The following CACNB4 variants were observed in gnomAD, a reference collection of about 807,000 sequenced individuals.
CACNB4 encodes the protein calcium voltage-gated channel auxiliary subunit beta 4, also known as voltage-dependent L-type calcium channel subunit beta-4.
A neutral mutation model predicts 71.2 loss-of-function variants in CACNB4; 32 were observed. That is an observed-to-expected ratio of 0.45 (90% CI 0.34 to 0.60). The LOEUF (loss-of-function observed/expected upper bound fraction) is 0.60, where lower values mean the gene tolerates loss of function less well. Ranked by LOEUF, CACNB4 falls within the 20% of genes least tolerant of loss-of-function variation. CACNB4 has a pLI of 0.01. For missense variants in CACNB4, 464 were observed against 647.9 expected (o/e 0.72, Z 3.08); for synonymous variants, 231 against 236.9 (o/e 0.97, Z 0.23).
Position 151,988,604 on chromosome 2 carries a change from G to GAAGT in CACNB4, c.148-105238_148-105235dup, listed in dbSNP as rs1681508616. 3.3e-5 allele frequency among the ~76,000 whole-genome samples: 5 copies of GAAGT among 152,210 alleles called. No individual in the cohort carries two copies. The South Asian group carries it at 8.3e-4, about 25-fold the overall frequency. ...TATTTCTCTGAATTTTGGAGGCTGA[G>GAAGT]AAGTCCAAGACCAAGGTAGTAGAGT... On this transcript the variant is annotated intron_variant, in intron 2 of 13. Transcript: ENST00000539935.
intron 2 of CACNB4, among the ~76,000 whole-genome samples, chr2:152,074,432 C>T (rs1165231584): frequency 1.3e-5 from 2 of 151,622 alleles, no homozygotes. Flanking sequence ...ACCACCATAA[C>T]CATCACCAAG....
At chr2:151,906,098 T>C (rs532818254) in intron 2 of CACNB4, among the ~76,000 whole-genome samples, 188 of 152,304 alleles carry the variant, frequency 1.2e-3, no homozygotes, top group African/African-American at 4.4e-3. Flanking sequence ...GGAACTGCAA[T>C]GAAACCAGAA....
At chr2:151,862,645 G>T (rs763011196) in intron 9 of CACNB4, among the ~76,000 whole-genome samples, 1 of 152,160 alleles carries the variant, frequency 6.6e-6, no homozygotes, top group Non-Finnish European at 1.5e-5. Flanking sequence ...CTTTATATAT[G>T]ATTTCACTAT....
chr2:152,064,940 G>C (rs1173128492), intron 2 of CACNB4, among the ~76,000 whole-genome samples: 2 of 152,138 alleles, frequency 1.3e-5, no homozygotes, highest in Non-Finnish European at 2.9e-5. Context: ...CTTGACCCTT[G>C]AGTTCACAAT....
chr2:151,854,153 C>T lies in CACNB4; in HGVS notation c.1021-610G>A, dbSNP rs542001689. Reference sequence around the variant, plus strand: ...CGTGGCCCTTCCCCTGCAAACAATGCTAATCTATGAGCTCTATAATACCCC... The same window carrying T: ...CGTGGCCCTTCCCCTGCAAACAATGTTAATCTATGAGCTCTATAATACCCC... On this transcript the variant is annotated intron_variant, in intron 11 of 13. Coordinates refer to ENST00000539935, the MANE Select transcript of CACNB4 (RefSeq NM_000726.5). 44 of 152,522 alleles carry T rather than the reference C, an allele frequency of 2.9e-4. 1 individual carries two copies. The highest frequency in any genetic ancestry group is 1.9e-4 in the East Asian group (1 of 5,188). The allele number at this position is 152,522 out of a possible 1,614,324, so 9.4% of individuals were successfully genotyped here. A position where few individuals can be genotyped will look rare whatever the true frequency, so the allele number is the denominator to read the frequency against.
At chr2:152,007,082 C>T (rs796759880) in intron 2 of CACNB4, among the ~76,000 whole-genome samples, 53 of 152,322 alleles carry the variant, frequency 3.5e-4, no homozygotes, top group African/African-American at 1.2e-3. Flanking sequence ...CGGCAAGTCA[C>T]ACCTGGTCTG....
At chr2:152,074,650 CCATCACCCCCTCACCATTACCACCTCTAT>C (rs1560181557) in intron 2 of CACNB4, among the ~76,000 whole-genome samples, 2,347 of 119,604 alleles carry the variant, frequency 0.02, 437 homozygotes, top group African/African-American at 0.051. Context: ...TCTATCATCA[CCATCACCCCCTCACCATTACCACCTCTAT>C]CATCACCATC....
At chr2:151,878,098 AAT>A (rs771448365) in intron 4 of CACNB4, among the ~76,000 whole-genome samples, 1 of 152,132 alleles carries the variant, frequency 6.6e-6, no homozygotes, top group Non-Finnish European at 1.5e-5. Flanking sequence ...TTTGACCCAA[AAT>A]ATATATATTT....
At chr2:151,889,374 G>A (rs1404161950) in intron 2 of CACNB4, among the ~76,000 whole-genome samples, 3 of 151,230 alleles carry the variant, frequency 2.0e-5, no homozygotes, top group Admixed American at 6.6e-5. Flanking sequence ...GCTGAGACAG[G>A]AGAATTGTTT....
chr2:151,988,034 A>G (rs1189570993), intron 2 of CACNB4, among the ~76,000 whole-genome samples: 1 of 152,238 alleles, frequency 6.6e-6, no homozygotes, highest in Non-Finnish European at 1.5e-5. Context: ...TTTATCGCCA[A>G]CTGAAATACT....
intron 2 of CACNB4, among the ~76,000 whole-genome samples, chr2:152,071,731 T>C (rs1478567666): frequency 1.3e-5 from 2 of 152,266 alleles, no homozygotes; most frequent in Non-Finnish European, 2.9e-5. Context: ...AATTATAGTG[T>C]GGAAGTACAA....
intron 2 of CACNB4, among the ~76,000 whole-genome samples, chr2:151,995,190 C>T (rs1373929105): frequency 6.8e-6 from 1 of 146,008 alleles, no homozygotes; most frequent in Non-Finnish European, 1.5e-5. Flanking sequence ...CCGCCCAAGG[C>T]TATCCCTTAG....
Position 152,098,493 on chromosome 2 carries a change from C to A in CACNB4, c.64-80G>T, listed in dbSNP as rs774653846. ...CGGGGCGACCACCCCCGGCTGGAGT[C>A]CGCCTCCGGACCCGCTCCCTGGGGT... is the stretch of plus-strand genomic sequence containing the variant. On this transcript the variant is annotated intron_variant, in intron 1 of 13. Transcript: ENST00000539935. This position sits in a 1 kb window ranked among gnomAD's most constrained non-coding sequence, Gnocchi z 5.3. 2.8e-6 allele frequency: 4 copies of A among 1,420,596 alleles called. No individual in the cohort carries two copies. Among genetic ancestry groups the A allele is most frequent in the Non-Finnish European group, 4.0e-6 (4 of 1,005,788 alleles). 88.0% of individuals were successfully genotyped at this position (1,420,596 alleles called of 1,614,324 possible). A position where few individuals can be genotyped will look rare whatever the true frequency, so the allele number is the denominator to read the frequency against.
At chr2:151,862,915 G>C (rs138725871) in intron 9 of CACNB4, among the ~76,000 whole-genome samples, 1 of 152,118 alleles carries the variant, frequency 6.6e-6, no homozygotes, top group Non-Finnish European at 1.5e-5. Flanking sequence ...TCTTCGCCTT[G>C]CTCTGAGATA....
At chr2:151,973,748 C>T (rs752619072) in intron 2 of CACNB4, 2 of 1,607,292 alleles carry the variant, frequency 1.2e-6, no homozygotes, top group South Asian at 1.1e-5. Context: ...TCTTTCAAGG[C>T]AAAAACAAAA....
intron 2 of CACNB4, among the ~76,000 whole-genome samples, chr2:151,946,329 CA>C (rs553499003): frequency 0.032 from 4,235 of 132,206 alleles, 155 homozygotes; most frequent in African/African-American, 0.1. Context: ...AACTCTGTCG[CA>C]AAAAAAAAAA....
chr2:152,086,396 T>C (rs980558878), intron 2 of CACNB4, among the ~76,000 whole-genome samples: 4 of 152,218 alleles, frequency 2.6e-5, no homozygotes, highest in African/African-American at 9.6e-5. Flanking sequence ...GCTGACCTAT[T>C]TCTCTCCCAC....
chr2:151,935,849 C>T (rs1248504796), intron 2 of CACNB4, among the ~76,000 whole-genome samples: 1 of 152,160 alleles, frequency 6.6e-6, no homozygotes, highest in Non-Finnish European at 1.5e-5. Context: ...TTTCAAAAAG[C>T]TTTCCCTTCA....
At chr2:152,044,651 A>C (rs1685054562) in intron 2 of CACNB4, among the ~76,000 whole-genome samples, 1 of 152,232 alleles carries the variant, frequency 6.6e-6, no homozygotes, top group Non-Finnish European at 1.5e-5. Context: ...CCACATACAA[A>C]TAAAAACTAC....
Sources: gnomAD v4.1 joint callset for allele counts (sites outside exome capture counted in the v4.1 genomes callset) on GRCh38, gnomAD v4.1.1 for gene constraint, Gnocchi (gnomAD v3.1) non-coding constraint, MANE v1.5 for transcripts, NCBI Gene and HGNC (gene_info 2026-07-23, HGNC 2026-07-21) for gene names.